ABHD18: variants seen among roughly 807,000 people sequenced by gnomAD.
The protein encoded by ABHD18 is abhydrolase domain containing 18.
In ABHD18, 55 loss-of-function variants were observed where a neutral mutation model predicts 65.9. That is an observed-to-expected ratio of 0.84 (90% CI 0.67 to 1.05). ABHD18 has a LOEUF of 1.05. ABHD18 is among the 50% of genes least tolerant of loss of function. The pLI, the probability that ABHD18 is intolerant of heterozygous loss-of-function variation, is 0.00. For missense variants in ABHD18, 533 were observed against 558.5 expected, an observed-to-expected ratio of 0.95 and a Z score of 0.46; for synonymous variants, 181 against 180.2, an observed-to-expected ratio of 1.00 and a Z score of -0.04.
In ABHD18 at chr4:128,039,196, A is replaced by AGTGCG. The variant is rs1759153514; in HGVS notation, c.*3386_*3390dup. 1 of 141,544 alleles carries AGTGCG rather than the reference A, an allele frequency of 7.1e-6. No individual in the cohort carries two copies. Among genetic ancestry groups the AGTGCG allele is most frequent in the South Asian group, 2.2e-4 (1 of 4,566 alleles). 8.8% of individuals were successfully genotyped at this position (141,544 alleles called of 1,614,324 possible). A position where few individuals can be genotyped will look rare whatever the true frequency, so the allele number is the denominator to read the frequency against. ...ATATATATATATATAATCTCAAAGAAGTGCGGTCTGCCATTTATCTGCCAT... is the reference window on the plus strand; with the variant it reads ...ATATATATATATATAATCTCAAAGAAGTGCGGTGCGGTCTGCCATTTATCTGCCAT... On this transcript the variant is annotated 3_prime_UTR_variant, in exon 13 of 13. Coordinates refer to ENST00000645843, the MANE Select transcript of ABHD18 (RefSeq NM_001358451.3).
intron 1 of ABHD18, among the ~76,000 whole-genome samples, chr4:127,975,305 C>T (rs907239877): frequency 2.6e-5 from 4 of 152,154 alleles, no homozygotes; most frequent in South Asian, 4.1e-4. Flanking sequence ...TAGCCTCCCC[C>T]TTTTCCCATC....
At chr4:127,970,247 A>G (rs1746473620) in intron 1 of ABHD18, among the ~76,000 whole-genome samples, 1 of 151,728 alleles carries the variant, frequency 6.6e-6, no homozygotes, top group South Asian at 2.1e-4. Flanking sequence ...TATTGATGCC[A>G]TGGGTGTTAC....
At chr4:127,992,643 A>G (rs1751110894) in intron 4 of ABHD18, among the ~76,000 whole-genome samples, 1 of 152,026 alleles carries the variant, frequency 6.6e-6, no homozygotes, top group South Asian at 2.1e-4. Context: ...GGCTCAAGTG[A>G]TCCTCTCACC....
intron 7 of ABHD18, among the ~76,000 whole-genome samples, 175 bp from the exon 8 acceptor site, chr4:128,017,188 G>A (rs1261176927): frequency 1.3e-5 from 2 of 152,148 alleles, no homozygotes; most frequent in Non-Finnish European, 2.9e-5. Flanking sequence ...AAAGTGCTGG[G>A]ATTACAGGCG....
chr4:128,032,185 A>T (rs1758311487), intron 12 of ABHD18, among the ~76,000 whole-genome samples: 1 of 152,356 alleles, frequency 6.6e-6, no homozygotes, highest in Admixed American at 6.5e-5. Context: ...ATCATGTGCC[A>T]GATGCTAGGG....
chr4:128,039,854 AG>A lies in ABHD18; in HGVS notation c.*4044del, dbSNP rs1317595566. On this transcript the variant is annotated 3_prime_UTR_variant, in exon 13 of 13. Transcript: ENST00000645843. ...AAACAAGGTAAGACAGAAATAAGCA[AG>A]GGAGGCTCTAGCAGAACAGTATCAG... 10 of 152,292 alleles carry A rather than the reference AG, an allele frequency of 6.6e-5. No individual in the cohort carries two copies. The East Asian group carries it at 1.9e-3, about 29-fold the overall frequency. 9.4% of individuals were successfully genotyped at this position (152,292 alleles called of 1,614,324 possible). A position where few individuals can be genotyped will look rare whatever the true frequency, so the allele number is the denominator to read the frequency against.
At chr4:127,973,817 CAAAAA>C (rs57170719) in intron 1 of ABHD18, among the ~76,000 whole-genome samples, 1 of 16,610 alleles carries the variant, frequency 6.0e-5, no homozygotes, top group Admixed American at 7.4e-4. Context: ...TGATGAACAG[CAAAAA>C]AAAAAAAAAA....
intron 1 of ABHD18, among the ~76,000 whole-genome samples, chr4:127,973,909 C>T (rs181208058): frequency 4.7e-5 from 7 of 150,024 alleles, no homozygotes; most frequent in African/African-American, 1.2e-4. Flanking sequence ...CCTGAGTAAG[C>T]GTGGAAGTGA....
intron 9 of ABHD18, 36 bp from the exon 10 acceptor site, chr4:128,021,101 G>T (rs1158082273): frequency 2.4e-6 from 3 of 1,266,240 alleles, no homozygotes; most frequent in Admixed American, 2.1e-5. Context: ...ATTGCCTTAT[G>T]ATGTGGTTTG....
At chr4:127,993,717 A>T (rs1298823552) in intron 4 of ABHD18, among the ~76,000 whole-genome samples, 1 of 152,132 alleles carries the variant, frequency 6.6e-6, no homozygotes, top group Non-Finnish European at 1.5e-5. Context: ...GTTATCATTA[A>T]TGGCTCTTTG....
rs543772207 is a variant in ABHD18 at position 128,031,150 on chromosome 4, G to C, written c.1343+478G>C. 5 of 985,470 alleles carry C rather than the reference G, an allele frequency of 5.1e-6. No homozygotes were observed. The African/African-American group carries it at 8.7e-5, about 17-fold the overall frequency. The allele number at this position is 985,470 out of a possible 1,614,324, so 61.0% of individuals were successfully genotyped here. A position where few individuals can be genotyped will look rare whatever the true frequency, so the allele number is the denominator to read the frequency against. On this transcript the variant is annotated intron_variant, in intron 12 of 12. Coordinates refer to ENST00000645843, the MANE Select transcript of ABHD18 (RefSeq NM_001358451.3). ...TTATATGACTCCACTATTTTAGTTA[G>C]AACTTATAAAAACTTTTATGCTGGC...
rs192527014 is a variant in ABHD18, at chr4:127,981,356, A to G, written c.-17-1583A>G. Among the ~76,000 whole-genome samples, 7 of 152,250 alleles carry G rather than the reference A, an allele frequency of 4.6e-5. No homozygotes were observed. The East Asian group carries it at 1.4e-3, about 29-fold the overall frequency. On this transcript the variant is annotated intron_variant, in intron 1 of 12. Coordinates refer to ENST00000645843, the MANE Select transcript of ABHD18 (RefSeq NM_001358451.3). ...AAAAGAGCCCTTTAGTTGTTAGCAC[A>G]TTGCCTTGTTTCATTTTCATCATAG...
chr4:127,980,819 G>A (rs534737578), intron 1 of ABHD18, among the ~76,000 whole-genome samples: 11 of 106,520 alleles, frequency 1.0e-4, no homozygotes, highest in Non-Finnish European at 1.7e-4. Flanking sequence ...GAGCAAGACT[G>A]CATCTCAAAA....
chr4:128,035,188 CAT>C (rs1758746716), intron 12 of ABHD18, among the ~76,000 whole-genome samples: 2 of 152,114 alleles, frequency 1.3e-5, no homozygotes, highest in African/African-American at 2.4e-5. Flanking sequence ...ACATTACACA[CAT>C]GTGCCTCTGT....
At chr4:128,027,072 C>T (rs1757476641) in intron 10 of ABHD18, among the ~76,000 whole-genome samples, 1 of 152,196 alleles carries the variant, frequency 6.6e-6, no homozygotes, top group East Asian at 1.9e-4. Context: ...CATGAGCCAC[C>T]GTGCCTTGCC....
At chr4:127,971,770 G>A (rs531131307) in intron 1 of ABHD18, among the ~76,000 whole-genome samples, 20 of 152,226 alleles carry the variant, frequency 1.3e-4, no homozygotes, top group African/African-American at 4.6e-4. Context: ...TTACAGGCGT[G>A]AGCCACCGCA....
chr4:127,985,151 G>A (rs1360723812), intron 3 of ABHD18, among the ~76,000 whole-genome samples: 1 of 151,672 alleles, frequency 6.6e-6, no homozygotes, highest in East Asian at 1.9e-4. Context: ...AATATTATGG[G>A]ATACAGTTAA....
rs377443256 is a variant in ABHD18, at chr4:128,009,197, C to A, written c.442+6C>A. 8 of 1,429,228 alleles carry A rather than the reference C, an allele frequency of 5.6e-6. No individual in the cohort carries two copies. The African/African-American group carries it at 1.2e-4, about 21-fold the overall frequency. 88.5% of individuals were successfully genotyped at this position (1,429,228 alleles called of 1,614,324 possible). A position where few individuals can be genotyped will look rare whatever the true frequency, so the allele number is the denominator to read the frequency against. ...ATTGTTAGAAAACCCTTATTATATC[C>A]TTTTGTGATATCTAAGAAATCTTTT... On this transcript the variant is annotated splice_donor_region_variant and intron_variant, in intron 6 of 12. Coordinates refer to ENST00000645843, the MANE Select transcript of ABHD18 (RefSeq NM_001358451.3).
chr4:128,011,530 G>C (rs904098621), intron 6 of ABHD18, 143 bp from the exon 7 acceptor site: 1 of 375,260 alleles, frequency 2.7e-6, no homozygotes, highest in African/African-American at 2.2e-5. Context: ...GAAAACTTAA[G>C]AACTTCTAAA....
Sources: gnomAD v4.1 joint callset for allele counts (sites outside exome capture counted in the v4.1 genomes callset) on GRCh38, gnomAD v4.1.1 for gene constraint, MANE v1.5 for transcripts, NCBI Gene and HGNC (gene_info 2026-07-23, HGNC 2026-07-21) for gene names.